Variants in ANXA10 observed in about 807,000 individuals in gnomAD.
The protein encoded by ANXA10 is annexin A10.
Under a neutral mutation model 53.5 loss-of-function variants are expected in ANXA10, and 49 were observed. The ratio of observed to expected loss-of-function variants is 0.92; its 90% confidence interval spans 0.73 to 1.16. The LOEUF (loss-of-function observed/expected upper bound fraction) is 1.16. ANXA10 is among the 50% of genes most tolerant of loss of function. ANXA10 has a pLI of 0.00. For synonymous variants in ANXA10, 131 were observed against 128.9 expected, an observed-to-expected ratio of 1.02 and a Z score of -0.11; for missense variants, 393 against 394.4, an observed-to-expected ratio of 1.00 and a Z score of 0.03.
rs1190483132 is a variant in ANXA10 at position 168,169,060 on chromosome 4, C to A, written c.480+3734C>A. Among the ~76,000 whole-genome samples, 3 of 152,234 alleles carry A rather than the reference C, an allele frequency of 2.0e-5. No homozygotes were observed. In the East Asian group the frequency reaches 5.8e-4, roughly 29 times the overall value. ...GTGGAGAAAAGATAATTTGGTTTTT[C>A]ATAGTACAAACTGAAGCGTCTGGTA... On this transcript the variant is annotated intron_variant, in intron 6 of 11. Transcript: ENST00000359299.
intron 1 of ANXA10, among the ~76,000 whole-genome samples, chr4:168,096,448 G>A (rs1056600459): frequency 2.0e-5 from 3 of 152,010 alleles, no homozygotes; most frequent in Non-Finnish European, 4.4e-5. Context: ...GAGTTGGATT[G>A]GAAAAATTAA....
At chr4:168,178,274 G>T in intron 8 of ANXA10, 1 of 356,430 alleles carries the variant, frequency 2.8e-6, no homozygotes, top group East Asian at 6.6e-5. Flanking sequence ...TTCCTATTAG[G>T]TATATTATAT....
chr4:168,176,384 C>T (rs542810312), intron 6 of ANXA10, among the ~76,000 whole-genome samples: 61 of 152,232 alleles, frequency 4.0e-4, no homozygotes, highest in Non-Finnish European at 7.5e-4. Context: ...TTTAGCCTCA[C>T]CTTTACTCTC....
intron 1 of ANXA10, among the ~76,000 whole-genome samples, chr4:168,100,899 G>A (rs914604461): frequency 6.6e-6 from 1 of 152,006 alleles, no homozygotes; most frequent in African/African-American, 2.4e-5. Context: ...ATCAAAACAG[G>A]ATATTAAAAT....
Position 168,092,768 on chromosome 4 carries a change from A to T in ANXA10, c.18+50A>T, listed in dbSNP as rs748979310. 9.0e-6 allele frequency: 13 copies of T among 1,447,354 alleles called. No homozygotes were observed. In the East Asian group the frequency reaches 3.1e-4, roughly 34 times the overall value. 89.7% of individuals were successfully genotyped at this position (1,447,354 alleles called of 1,614,324 possible). On this transcript the variant is annotated intron_variant, in intron 1 of 11. Coordinates refer to ENST00000359299, the MANE Select transcript of ANXA10 (RefSeq NM_007193.5). ...AAGCTTTTCACTCTTTTGAAACTTG[A>T]TTTATAAAATTTCATTTGTGTTTTT...
chr4:168,097,692 G>A (rs1271587338), intron 1 of ANXA10, among the ~76,000 whole-genome samples: 1 of 151,964 alleles, frequency 6.6e-6, no homozygotes, highest in Non-Finnish European at 1.5e-5. Context: ...TTCCTACCTG[G>A]TGTCCCTGGT....
chr4:168,114,308 C>T (rs1730855962), intron 1 of ANXA10, among the ~76,000 whole-genome samples: 1 of 152,048 alleles, frequency 6.6e-6, no homozygotes, highest in African/African-American at 2.4e-5. Context: ...GAGTCTTGCT[C>T]TGTTGCCCAG....
chr4:168,115,685 C>T (rs1335348339), intron 1 of ANXA10, among the ~76,000 whole-genome samples: 1 of 152,048 alleles, frequency 6.6e-6, no homozygotes, highest in Non-Finnish European at 1.5e-5. Flanking sequence ...TTTTATTTTA[C>T]ACAAATTACA....
intron 1 of ANXA10, among the ~76,000 whole-genome samples, chr4:168,093,267 A>G (rs1201675885): frequency 6.6e-6 from 1 of 151,886 alleles, no homozygotes. Flanking sequence ...GCTTTCTGTA[A>G]AAGATAGCTT....
chr4:168,137,434 C>T (rs957371400), intron 2 of ANXA10, among the ~76,000 whole-genome samples: 3 of 152,106 alleles, frequency 2.0e-5, no homozygotes, highest in African/African-American at 7.2e-5. Context: ...CCTCTTCCAC[C>T]CTCTCACTGT....
rs189248144 is a variant in ANXA10, at chr4:168,102,956, T to G, written c.18+10238T>G. Among the ~76,000 whole-genome samples the G allele has an allele frequency of 3.3e-5, 5 of 152,262 alleles. No homozygotes were observed. The East Asian group carries it at 7.7e-4, about 23-fold the overall frequency. On this transcript the variant is annotated intron_variant, in intron 1 of 11. Coordinates refer to ENST00000359299, the MANE Select transcript of ANXA10 (RefSeq NM_007193.5). ...TATGGGTAATGATATTGATCATATC[T>G]TCATGTGCTCATTTACTATACCGTC... is the stretch of plus-strand genomic sequence containing the variant.
chr4:168,148,140 C>T (rs1360225060), intron 3 of ANXA10, among the ~76,000 whole-genome samples: 1 of 151,768 alleles, frequency 6.6e-6, no homozygotes, highest in Non-Finnish European at 1.5e-5. Context: ...GGTTTGAGTC[C>T]TTTGAGTGAA....
chr4:168,116,364 T>C (rs1296905550), intron 1 of ANXA10, among the ~76,000 whole-genome samples: 1 of 152,220 alleles, frequency 6.6e-6, no homozygotes, highest in Non-Finnish European at 1.5e-5. Context: ...GACAAAATAT[T>C]CCATTTGTCT....
chr4:168,131,105 T>C (rs1173080310), intron 2 of ANXA10, among the ~76,000 whole-genome samples: 1 of 151,986 alleles, frequency 6.6e-6, no homozygotes, highest in Non-Finnish European at 1.5e-5. Flanking sequence ...AGATTTCTTT[T>C]TGTTTCTCTA....
chr4:168,120,613 TAAC>T (rs1730969685), intron 1 of ANXA10, among the ~76,000 whole-genome samples: 1 of 152,058 alleles, frequency 6.6e-6, no homozygotes. Context: ...ATAAAATACC[TAAC>T]AACGTTGACA....
At chr4:168,099,920 G>A (rs560299095) in intron 1 of ANXA10, among the ~76,000 whole-genome samples, 18 of 152,210 alleles carry the variant, frequency 1.2e-4, no homozygotes, top group African/African-American at 4.1e-4. Context: ...CAATAACAGA[G>A]AAACAAGTGA....
chr4:168,156,220 A>T (rs1198116558), intron 3 of ANXA10, among the ~76,000 whole-genome samples: 1 of 50,634 alleles, frequency 2.0e-5, no homozygotes, highest in African/African-American at 7.5e-5. Context: ...ATTATATGTA[A>T]TATGTATTAT....
In ANXA10 at chr4:168,155,803, TATATG is replaced by T. The variant is rs1212066491; in HGVS notation, c.196-6720_196-6716del. On this transcript the variant is annotated intron_variant, in intron 3 of 11. Coordinates refer to ENST00000359299, the MANE Select transcript of ANXA10 (RefSeq NM_007193.5). ...ATTATATATTATATATAATATATAA[TATATG>T]ATATATTATATATGATATATGATAT... Among the ~76,000 whole-genome samples, 6 of 28,726 alleles carry T rather than the reference TATATG, an allele frequency of 2.1e-4. 1 individual carries two copies. The highest frequency in any genetic ancestry group is 4.2e-4 in the African/African-American group (3 of 7,146). 18.8% of individuals were successfully genotyped at this position (28,726 alleles called of 152,430 possible). A position where few individuals can be genotyped will look rare whatever the true frequency, so the allele number is the denominator to read the frequency against.
intron 8 of ANXA10, among the ~76,000 whole-genome samples, chr4:168,178,863 G>A (rs950594668): frequency 2.0e-5 from 3 of 152,180 alleles, no homozygotes; most frequent in Non-Finnish European, 2.9e-5. Context: ...CTAGTAGGAA[G>A]TTTGCTGCTG....
Sources: gnomAD v4.1 joint callset for allele counts (sites outside exome capture counted in the v4.1 genomes callset) on GRCh38, gnomAD v4.1.1 for gene constraint, MANE v1.5 for transcripts, NCBI Gene and HGNC (gene_info 2026-07-23, HGNC 2026-07-21) for gene names.